The following SLC39A11 variants were observed in gnomAD, a reference collection of about 807,000 sequenced individuals.
SLC39A11 encodes solute carrier family 39 member 11, also known as zinc transporter ZIP11.
A neutral mutation model predicts 36.1 loss-of-function variants in SLC39A11; 33 were observed. The observed-to-expected ratio is 0.91, with a 90% CI of 0.69 to 1.22. The LOEUF (loss-of-function observed/expected upper bound fraction) is 1.22, where lower values mean the gene tolerates loss of function less well. Ranked by LOEUF, SLC39A11 falls within the 50% of genes most tolerant of loss-of-function variation. The probability of loss-of-function intolerance (pLI) is 0.00; values close to 1 mark genes in which losing one functional copy is unlikely to be tolerated. For missense variants in SLC39A11, 432 were observed against 430.3 expected (o/e 1.00, Z -0.03); for synonymous variants, 166 against 170.3 (o/e 0.97, Z 0.20).
intron 7 of SLC39A11, among the ~76,000 whole-genome samples, chr17:72,652,476 G>A (rs1259029899): frequency 6.6e-6 from 1 of 152,128 alleles, no homozygotes; most frequent in Admixed American, 6.6e-5. Flanking sequence ...ATGATTACCT[G>A]GGATGGTCCC....
rs61453793 is a variant in SLC39A11, at chr17:72,951,261, C to CAAAAAAAAAAA, written c.307-3397_307-3387dup. ...TGGGCAACGGAGAGTGACCCTGTTG[C>CAAAAAAAAAAA]AAAAAAAAAAAAAAAAAGCCAGCAA... On this transcript the variant is annotated intron_variant, in intron 4 of 9. Transcript: ENST00000255559. Among the ~76,000 whole-genome samples the CAAAAAAAAAAA allele has an allele frequency of 3.7e-3, 318 of 86,922 alleles. 10 individuals are homozygous for CAAAAAAAAAAA. In the East Asian group the frequency reaches 0.048, roughly 13 times the overall value. The allele number at this position is 86,922 out of a possible 152,430, so 57.0% of individuals were successfully genotyped here.
At chr17:72,895,710 T>C (rs2081994374) in intron 5 of SLC39A11, among the ~76,000 whole-genome samples, 1 of 152,200 alleles carries the variant, frequency 6.6e-6, no homozygotes, top group South Asian at 2.1e-4. Context: ...CCACCATCCA[T>C]AGTGAGTTCT....
chr17:73,090,465 A>G (rs1473142923), intron 1 of SLC39A11, among the ~76,000 whole-genome samples: 1 of 152,208 alleles, frequency 6.6e-6, no homozygotes, highest in East Asian at 1.9e-4. Flanking sequence ...GCCACCCTAA[A>G]AAGAGGGGTT....
intron 5 of SLC39A11, among the ~76,000 whole-genome samples, chr17:72,867,544 T>C (rs1459808333): frequency 4.6e-5 from 7 of 151,984 alleles, no homozygotes; most frequent in East Asian, 1.9e-4. Context: ...ACAGACAAGA[T>C]ACTGAATTGA....
chr17:72,799,147 T>C (rs2076998899), intron 6 of SLC39A11, among the ~76,000 whole-genome samples: 1 of 152,196 alleles, frequency 6.6e-6, no homozygotes, highest in Admixed American at 6.5e-5. Flanking sequence ...GCTGGAGCTG[T>C]GGCAGAGGAA....
chr17:72,829,658 G>A (rs937962571), intron 6 of SLC39A11, among the ~76,000 whole-genome samples: 5 of 152,122 alleles, frequency 3.3e-5, no homozygotes, highest in African/African-American at 1.2e-4. Flanking sequence ...GGACAGATCC[G>A]GGTCCCTCCT....
chr17:72,846,769 G>A (rs1169896524), intron 6 of SLC39A11, among the ~76,000 whole-genome samples: 1 of 152,218 alleles, frequency 6.6e-6, no homozygotes, highest in Non-Finnish European at 1.5e-5. Flanking sequence ...CCTCAGTGTA[G>A]TTACCTTATT....
At chr17:72,942,108 C>G (rs2147627422) in intron 5 of SLC39A11, among the ~76,000 whole-genome samples, 1 of 151,490 alleles carries the variant, frequency 6.6e-6, no homozygotes, top group African/African-American at 2.4e-5. Context: ...GTTGGCCAGG[C>G]TGGTCTCGAA....
intron 6 of SLC39A11, among the ~76,000 whole-genome samples, chr17:72,746,043 A>T (rs2074921692): frequency 6.6e-6 from 1 of 152,182 alleles, no homozygotes; most frequent in African/African-American, 2.4e-5. Context: ...TGCTTGAGAG[A>T]GGAGGGCTTT....
chr17:73,030,083 T>C (rs2058690979), intron 4 of SLC39A11, among the ~76,000 whole-genome samples: 1 of 152,210 alleles, frequency 6.6e-6, no homozygotes, highest in Admixed American at 6.5e-5. Flanking sequence ...GCAGCCTGGA[T>C]CCCTCACATG....
Position 72,702,553 on chromosome 17 carries a change from G to A in SLC39A11, c.671+34097C>T, listed in dbSNP as rs16977335. ...TACCAAATGAGTCATCAAAGTACAC[G>A]ACAGTGCCAAGTTCTAGCAGTCATA... On this transcript the variant is annotated intron_variant, in intron 7 of 9. Coordinates refer to ENST00000255559, the MANE Select transcript of SLC39A11 (RefSeq NM_139177.4). 8.8e-3 allele frequency among the ~76,000 whole-genome samples: 1,333 copies of A among 152,198 alleles called. 19 individuals are homozygous for A. Among genetic ancestry groups the A allele is most frequent in the African/African-American group, 0.03 (1,232 of 41,518 alleles).
rs1375538447 is a variant in SLC39A11 at position 72,900,217 on chromosome 17, G to GAAGGAA, written c.430+47534_430+47535insTTCCTT. On this transcript the variant is annotated intron_variant, in intron 5 of 9. Transcript: ENST00000255559. The stretch of plus-strand genomic sequence containing the variant: ...AGAAAGAAAGAAAGAAAGAAAGAAA[G>GAAGGAA]AAAGAAAGAAAGAAAAAGACAGCAA... Among the ~76,000 whole-genome samples the GAAGGAA allele has an allele frequency of 1.9e-5, 2 of 107,318 alleles. 1 individual carries two copies. 70.4% of individuals were successfully genotyped at this position (107,318 alleles called of 152,430 possible).
At chr17:72,867,281 C>G (rs2080349450) in intron 5 of SLC39A11, among the ~76,000 whole-genome samples, 1 of 152,104 alleles carries the variant, frequency 6.6e-6, no homozygotes, top group Non-Finnish European at 1.5e-5. Context: ...AGGCAGCTCA[C>G]TTGGGGTCAG....
chr17:73,054,612 G>A (rs1018581273), intron 3 of SLC39A11, among the ~76,000 whole-genome samples: 5 of 151,648 alleles, frequency 3.3e-5, no homozygotes, highest in Admixed American at 3.3e-4. Flanking sequence ...GTTCGAAACT[G>A]GCCTGGCCAA....
chr17:72,682,315 T>C (rs2071544294), intron 7 of SLC39A11, among the ~76,000 whole-genome samples: 1 of 109,586 alleles, frequency 9.1e-6, no homozygotes, highest in African/African-American at 3.6e-5. Flanking sequence ...CCCCAGTCCA[T>C]GGAAAAATTG....
chr17:72,890,796 G>C (rs1168566692), intron 5 of SLC39A11, among the ~76,000 whole-genome samples: 1 of 152,104 alleles, frequency 6.6e-6, no homozygotes, highest in East Asian at 1.9e-4. Context: ...GGAAAAAGTG[G>C]ACTGCTGATG....
chr17:73,069,475 T>C (rs1568222758), intron 3 of SLC39A11, among the ~76,000 whole-genome samples: 1 of 152,216 alleles, frequency 6.6e-6, no homozygotes, highest in East Asian at 1.9e-4. Context: ...TGAGCAGCTG[T>C]TCTCCAAAGA....
chr17:72,793,942 G>A (rs368767959), intron 6 of SLC39A11, among the ~76,000 whole-genome samples: 4 of 151,482 alleles, frequency 2.6e-5, no homozygotes, highest in South Asian at 2.1e-4. Context: ...ATACCACACC[G>A]GCCAGTATAC....
intron 5 of SLC39A11, among the ~76,000 whole-genome samples, chr17:72,894,119 TG>T (rs2081905046): frequency 6.6e-6 from 1 of 152,040 alleles, no homozygotes; most frequent in East Asian, 1.9e-4. Flanking sequence ...CCCAGCACTT[TG>T]GGAGGCTGAA....
Sources: allele counts gnomAD v4.1 joint callset (sites outside exome capture counted in the v4.1 genomes callset), GRCh38; gene constraint gnomAD v4.1.1; transcripts MANE v1.5; gene names NCBI Gene and HGNC (gene_info 2026-07-23, HGNC 2026-07-21).